ESCO2: variants seen among roughly 807,000 people sequenced by gnomAD.
ESCO2 encodes N-acetyltransferase ESCO2.
In ESCO2, 51 loss-of-function variants were observed where a neutral mutation model predicts 61.7. The ratio of observed to expected loss-of-function variants is 0.83; its 90% CI spans 0.66 to 1.04. The LOEUF is 1.04. ESCO2 is among the 50% of genes least tolerant of loss of function. ESCO2 has a pLI of 0.00. For synonymous variants in ESCO2, 230 were observed against 238.2 expected, an observed-to-expected ratio of 0.97 and a Z score of 0.32; for missense variants, 692 against 686.2, an observed-to-expected ratio of 1.01 and a Z score of -0.09.
intron 9 of ESCO2, among the ~76,000 whole-genome samples, chr8:27,793,063 T>C (rs1309822300): frequency 6.6e-6 from 1 of 152,206 alleles, no homozygotes; most frequent in Non-Finnish European, 1.5e-5. Context: ...AGTCTAGTGA[T>C]TTTAAGTAAA....
rs560144803 is a variant in ESCO2, at chr8:27,785,573, G to A, written c.1013+1516G>A. On this transcript the variant is annotated intron_variant, in intron 5 of 10. Transcript: ENST00000305188. The stretch of plus-strand genomic sequence containing the variant: ...AAATTAGTTGGGCATGATGGGGCAT[G>A]CCTGTAATCCCAGCTACTCAGGAAG... Among the ~76,000 whole-genome samples, 4 of 152,044 alleles carry A rather than the reference G, an allele frequency of 2.6e-5. No individual in the cohort carries two copies. In the South Asian group the frequency reaches 8.3e-4, roughly 32 times the overall value.
At chr8:27,810,550 T>C (rs781728098), downstream of ESCO2, 4 of 1,183,746 alleles carry the variant, frequency 3.4e-6, no homozygotes, top group Non-Finnish European at 3.7e-6. Context: ...CTTTATGTCA[T>C]GGAAAAGTTT....
rs147327594 is a variant in ESCO2 at position 27,776,639 on chromosome 8, A to G, written c.331A>G (p.Lys111Glu). Reference sequence around the variant, plus strand: ...AAAAGAGAGTAGATCTACTTGTCTAAAAACTAATGATGAAGATAAATCTTT... The same window carrying G: ...AAAAGAGAGTAGATCTACTTGTCTAGAAACTAATGATGAAGATAAATCTTT... ...LIKESRSTCL[K>E]TNDEDKSFPI... is the part of the protein sequence containing the mutation. The change falls in exon 3 of 11, where the codon AAA becomes GAA. Residue 111 changes from lysine (K) to glutamate (E), a missense_variant. Coordinates refer to ENST00000305188, the MANE Select transcript of ESCO2 (RefSeq NM_001017420.3). 4.0e-5 allele frequency: 65 copies of G among 1,613,902 alleles called. No homozygotes were observed. Among genetic ancestry groups the G allele is most frequent in the South Asian group, 1.2e-4 (11 of 91,058 alleles).
In ESCO2 at chr8:27,776,813, C is replaced by T. The variant is rs80359849; in HGVS notation, c.505C>T (p.Arg169Ter). 3.7e-6 allele frequency: 6 copies of T among 1,614,062 alleles called. No individual in the cohort carries two copies. In the African/African-American group the frequency reaches 5.3e-5, roughly 14 times the overall value. Residue 169 changes from arginine (R) to a stop codon, truncating the protein, a stop_gained, in exon 3 of 11, where the codon CGA becomes TGA. Transcript: ENST00000305188. LOFTEE classifies it high-confidence loss of function. ...GAATTCTAGAAATTCCAAGCAAAAT[C>T]GAGTGATCTATAAGCCAATTGTGGA... ...SRNSRNSKQN[R>*]VIYKPIVEKE...
chr8:27,795,036 T>C (rs1031745964), intron 9 of ESCO2, among the ~76,000 whole-genome samples: 3 of 152,200 alleles, frequency 2.0e-5, no homozygotes, highest in Admixed American at 2.0e-4. Flanking sequence ...ATTTTAGGAC[T>C]GTTTTTTGTA....
At chr8:27,817,274 AC>A (rs1223137996), downstream of ESCO2, among the ~76,000 whole-genome samples, 1 of 152,052 alleles carries the variant, frequency 6.6e-6, no homozygotes, top group African/African-American at 2.4e-5. Context: ...TTCAGCATAA[AC>A]CCAGGGTTTA....
intron 9 of ESCO2, among the ~76,000 whole-genome samples, chr8:27,794,769 T>G (rs28829002): frequency 0.15 from 23,454 of 152,126 alleles, 2,278 homozygotes; most frequent in East Asian, 0.37. Flanking sequence ...TTGAGATAAG[T>G]CTCCAATGTT....
chr8:27,778,726 A>G (rs1301347432), intron 3 of ESCO2: 1 of 151,954 alleles, frequency 6.6e-6, no homozygotes, highest in African/African-American at 2.4e-5. Context: ...GAATTCTGTA[A>G]TTCTCTTTTC....
chr8:27,774,633 G>GGGGGCTGTGGAAGGCTGAGGCGA (rs1804743314), intron 1 of ESCO2, 26 bp downstream of exon 1: 1 of 152,430 alleles, frequency 6.6e-6, no homozygotes, highest in Admixed American at 6.5e-5. Flanking sequence ...GGCCGAGGCG[G>GGGGGCTGTGGAAGGCTGAGGCGA]GGGGCTGTGG....
At chr8:27,784,822 A>G (rs1805002440) in intron 5 of ESCO2, among the ~76,000 whole-genome samples, 1 of 152,196 alleles carries the variant, frequency 6.6e-6, no homozygotes, top group Non-Finnish European at 1.5e-5. Context: ...GATATTAAGC[A>G]AGGAACTTCC....
chr8:27,784,148 G>A (rs778299118), intron 5 of ESCO2, 91 bp downstream of exon 5: 3 of 1,323,704 alleles, frequency 2.3e-6, no homozygotes, highest in Admixed American at 1.8e-5. Flanking sequence ...TTAATTTGGG[G>A]AGTTTTTTTT....
chr8:27,802,631 ATATATATATATATATATATAT>A (rs1805466046), intron 10 of ESCO2, among the ~76,000 whole-genome samples: 5 of 38,722 alleles, frequency 1.3e-4, no homozygotes, highest in Non-Finnish European at 1.7e-4. Flanking sequence ...AAAAAAAAAA[ATATATATATATATATATATAT>A]ATATTATATA....
At chr8:27,774,388 A>AT (rs1804730512), upstream of ESCO2, 1 of 151,666 alleles carries the variant, frequency 6.6e-6, no homozygotes, top group Admixed American at 6.6e-5. Context: ...TCCCTCAGAG[A>AT]TTTTTCACCT....
chr8:27,787,195 A>T (rs898699158), intron 5 of ESCO2, among the ~76,000 whole-genome samples: 1 of 152,204 alleles, frequency 6.6e-6, no homozygotes, highest in African/African-American at 2.4e-5. Flanking sequence ...CATATGGGCC[A>T]ACCAAAACAT....
chr8:27,791,640 T>C (rs953977926), intron 7 of ESCO2, among the ~76,000 whole-genome samples: 1 of 152,142 alleles, frequency 6.6e-6, no homozygotes, highest in Non-Finnish European at 1.5e-5. Flanking sequence ...CCACTGGTCT[T>C]GAACTCCTGA....
downstream of ESCO2, chr8:27,808,216 C>A (rs181219981): frequency 1.1e-4 from 142 of 1,243,508 alleles, no homozygotes; most frequent in Middle Eastern, 3.8e-3. Flanking sequence ...TAAATAGGTA[C>A]CAGGAGACAT....
At chr8:27,811,239 A>C (rs894103368), downstream of ESCO2, 2 of 917,492 alleles carry the variant, frequency 2.2e-6, no homozygotes, top group Non-Finnish European at 3.5e-6. Flanking sequence ...TTCACAGGTT[A>C]ATCAGTGTAG....
At chr8:27,810,166 A>G (rs1805642766), downstream of ESCO2, 1 of 630,310 alleles carries the variant, frequency 1.6e-6, no homozygotes, top group South Asian at 2.0e-5. Flanking sequence ...CATATTAGAA[A>G]TAGTTATCCA....
the ESCO2 span, among the ~76,000 whole-genome samples, chr8:27,818,896 C>T: frequency 1.3e-5 from 2 of 152,094 alleles, no homozygotes; most frequent in Non-Finnish European, 2.9e-5. Context: ...TATGGGGATT[C>T]AAGTGTAAGG....
Sources: gnomAD v4.1 joint callset for allele counts (sites outside exome capture counted in the v4.1 genomes callset) on GRCh38, gnomAD v4.1.1 for gene constraint, MANE v1.5 for transcripts, NCBI Gene and HGNC (gene_info 2026-07-23, HGNC 2026-07-21) for gene names.